DLGAP5: variants seen among roughly 807,000 people sequenced by gnomAD.
The protein encoded by DLGAP5 is DLG associated protein 5, also known as disks large-associated protein 5.
Under a neutral mutation model 99.6 loss-of-function variants are expected in DLGAP5, and 90 were observed. That is an observed-to-expected ratio of 0.90 (90% CI 0.76 to 1.08). The LOEUF (loss-of-function observed/expected upper bound fraction) is 1.08, where lower values mean the gene tolerates loss of function less well. Among genes scored for constraint, DLGAP5 ranks in the 50% least tolerant of loss-of-function variants. DLGAP5 has a pLI of 0.00. For synonymous variants in DLGAP5, 311 were observed against 321.3 expected (o/e 0.97, Z 0.34); for missense variants, 1,036 against 983.5 (o/e 1.05, Z -0.71).
At chr14:55,172,274 G>A (rs573703573) in intron 10 of DLGAP5, among the ~76,000 whole-genome samples, 1 of 148,660 alleles carries the variant, frequency 6.7e-6, no homozygotes, top group African/African-American at 2.5e-5. Context: ...GATCACTTGA[G>A]CCTAGGAGTT....
At chr14:55,157,688 G>A (rs1345657542) in intron 14 of DLGAP5, among the ~76,000 whole-genome samples, 2 of 152,194 alleles carry the variant, frequency 1.3e-5, no homozygotes, top group Admixed American at 6.5e-5. Flanking sequence ...AAATTAGTAC[G>A]TTTACTACCT....
At chr14:55,187,096 G>A (rs938517629) in intron 2 of DLGAP5, among the ~76,000 whole-genome samples, 1 of 151,944 alleles carries the variant, frequency 6.6e-6, no homozygotes, top group Admixed American at 6.6e-5. Context: ...AGTAGAGATG[G>A]GGTTTCACCA....
intron 2 of DLGAP5, among the ~76,000 whole-genome samples, chr14:55,188,614 A>C (rs1883500732): frequency 6.6e-6 from 1 of 152,044 alleles, no homozygotes; most frequent in Non-Finnish European, 1.5e-5. Flanking sequence ...TTAGTTGTAG[A>C]TAACAGGTTA....
intron 2 of DLGAP5, among the ~76,000 whole-genome samples, chr14:55,188,666 A>G (rs1221911013): frequency 6.6e-6 from 1 of 151,546 alleles, no homozygotes; most frequent in Non-Finnish European, 1.5e-5. Context: ...TAATCCCCAC[A>G]CTTTGGGAGG....
In DLGAP5 at chr14:55,148,473, G is replaced by T. The variant is rs1396567297; in HGVS notation, c.2419C>A (p.Pro807Thr). Residue 807 changes from proline to threonine, a missense_variant and splice_region_variant, in exon 19 of 19, where the codon CCA becomes ACA. Pro to Thr is a conservative substitution (Grantham distance 38). Transcript: ENST00000247191. ...LTTECHLLDSPGLNCSNPFTQ... is the reference protein window; with the variant it reads ...LTTECHLLDSTGLNCSNPFTQ... ...AATGGATTACTGCAGTTTAGACCTG[G>T]CTGGAGAACAAATCCAGAGAAGTCA... 3.7e-6 allele frequency: 6 copies of T among 1,613,922 alleles called. No individual in the cohort carries two copies. The highest frequency in any genetic ancestry group is 3.4e-6 in the Non-Finnish European group (4 of 1,179,966).
chr14:55,187,539 G>A (rs1294381044), intron 2 of DLGAP5, among the ~76,000 whole-genome samples: 3 of 151,718 alleles, frequency 2.0e-5, no homozygotes, highest in Admixed American at 1.3e-4. Context: ...GGCTGGTTTC[G>A]AACTCTTGAC....
intron 12 of DLGAP5, among the ~76,000 whole-genome samples, chr14:55,167,217 G>A (rs1334028514): frequency 6.9e-6 from 1 of 144,072 alleles, no homozygotes; most frequent in Non-Finnish European, 1.5e-5. Flanking sequence ...TCACGCCACC[G>A]CTCTCCAGCC....
intron 13 of DLGAP5, among the ~76,000 whole-genome samples, chr14:55,161,649 A>T (rs1240685653): frequency 6.6e-6 from 1 of 151,366 alleles, no homozygotes; most frequent in Non-Finnish European, 1.5e-5. Flanking sequence ...ACCTCAGGTG[A>T]TCTGCCCGCC....
chr14:55,174,046 C>T (rs1330821669), intron 10 of DLGAP5, among the ~76,000 whole-genome samples: 4 of 152,126 alleles, frequency 2.6e-5, no homozygotes, highest in South Asian at 2.1e-4. Context: ...GTGAGCCGGG[C>T]GGAACAGAGC....
intron 16 of DLGAP5, among the ~76,000 whole-genome samples, 191 bp from the exon 17 acceptor site, chr14:55,152,132 T>C (rs1328423094): frequency 3.3e-5 from 5 of 152,172 alleles, no homozygotes; most frequent in East Asian, 3.8e-4. Flanking sequence ...AATAGTATGA[T>C]TGAAGGCAAG....
chr14:55,156,899 G>T (rs1450885715), intron 14 of DLGAP5, among the ~76,000 whole-genome samples: 2 of 152,188 alleles, frequency 1.3e-5, no homozygotes, highest in African/African-American at 4.8e-5. Flanking sequence ...ATGATAGCCA[G>T]CATGAAAGTT....
chr14:55,170,717 C>T lies in DLGAP5; in HGVS notation c.1372G>A (p.Asp458Asn), dbSNP rs1299110829. 1.2e-6 allele frequency: 2 copies of T among 1,613,220 alleles called. No homozygotes were observed. Among genetic ancestry groups the T allele is most frequent in the Admixed American group, 1.7e-5 (1 of 60,010 alleles). The change falls in exon 11 of 19, where the codon GAC (aspartate) becomes AAC (asparagine). Residue 458 changes from aspartate (D) to asparagine (N), a missense_variant. Transcript: ENST00000247191. Reference protein sequence around the residue: ...CFEWDRKLELDIPDDAKDLIR... With the variant: ...CFEWDRKLELNIPDDAKDLIR... ...GTTGCCTCACCATCATCTGGAATGTCCAATTCAAGTTTCCTGTCCCACTCG... is the reference window on the plus strand; with the variant it reads ...GTTGCCTCACCATCATCTGGAATGTTCAATTCAAGTTTCCTGTCCCACTCG...
Position 55,162,986 on chromosome 14 carries a change from G to A in DLGAP5, c.1638C>T (p.Asn546=), listed in dbSNP as rs1429013375. The A allele has an allele frequency of 6.4e-7, 1 of 1,566,910 alleles. No homozygotes were observed. The highest frequency in any genetic ancestry group is 2.3e-5 in the East Asian group (1 of 43,806). ...ACAAACTTACCCTAAAGACATTTTT[G>A]TTCATATTATGATTCATATTATTAT... ...QVNNNMNHNM[N]KNVFRKKVVS... The change falls in exon 13 of 19, where the codon AAC becomes AAT. Residue 546 remains asparagine (N), a synonymous_variant. Transcript: ENST00000247191.
At chr14:55,190,894 CAAGAGA>C (rs1395241360) in intron 1 of DLGAP5, among the ~76,000 whole-genome samples, 40 of 152,148 alleles carry the variant, frequency 2.6e-4, no homozygotes, top group Non-Finnish European at 1.0e-4. Flanking sequence ...CTATCCACAG[CAAGAGA>C]AAGAGCGAGC....
chr14:55,180,996 T>C (rs968618514), intron 5 of DLGAP5, among the ~76,000 whole-genome samples: 2 of 152,108 alleles, frequency 1.3e-5, no homozygotes, highest in Admixed American at 6.6e-5. Context: ...AAGTCTGTAG[T>C]TGCAGCTACT....
At chr14:55,189,456 G>C (rs142250832) in intron 1 of DLGAP5, among the ~76,000 whole-genome samples, 1 of 152,178 alleles carries the variant, frequency 6.6e-6, no homozygotes, top group East Asian at 1.9e-4. Context: ...TTACCACAGA[G>C]AACACTGCAA....
chr14:55,182,960 A>T (rs2139528766), intron 3 of DLGAP5, among the ~76,000 whole-genome samples: 1 of 152,336 alleles, frequency 6.6e-6, no homozygotes, highest in South Asian at 2.1e-4. Flanking sequence ...ATTTTTAAAA[A>T]GGTTATTAAC....
At chr14:55,190,079 C>G (rs1165444829) in intron 1 of DLGAP5, among the ~76,000 whole-genome samples, 1 of 152,098 alleles carries the variant, frequency 6.6e-6, no homozygotes, top group African/African-American at 2.4e-5. Context: ...AGAACAAGAC[C>G]AAATATATAG....
intron 13 of DLGAP5, among the ~76,000 whole-genome samples, chr14:55,161,446 G>A (rs1356452132): frequency 7.4e-6 from 1 of 134,846 alleles, no homozygotes; most frequent in South Asian, 2.3e-4. Flanking sequence ...AGTTTTGCTC[G>A]TTGCCCAGGC....
Sources: allele counts gnomAD v4.1 joint callset (sites outside exome capture counted in the v4.1 genomes callset), GRCh38; gene constraint gnomAD v4.1.1; transcripts MANE v1.5; gene names NCBI Gene and HGNC (gene_info 2026-07-23, HGNC 2026-07-21).